OR1L8: variants seen among roughly 807,000 people sequenced by gnomAD.
OR1L8 encodes olfactory receptor family 1 subfamily L member 8.
For missense variants in OR1L8, 330 were observed against 377.4 expected, an observed-to-expected ratio of 0.87 and a Z score of 1.04; for synonymous variants, 148 against 147.0, an observed-to-expected ratio of 1.01 and a Z score of -0.05.
chr9:122,574,111 A>AT (rs1829600204), intron 3 of OR1L8, among the ~76,000 whole-genome samples: 1 of 152,026 alleles, frequency 6.6e-6, no homozygotes, highest in Non-Finnish European at 1.5e-5. Flanking sequence ...TATTGTCTTG[A>AT]TTACTGTAGC....
chr9:122,580,646 T>TTCTAAG, intron 1 of OR1L8, among the ~76,000 whole-genome samples: 1 of 152,290 alleles, frequency 6.6e-6, no homozygotes, highest in Non-Finnish European at 1.5e-5. Context: ...AGCTAATTTT[T>TTCTAAG]TCTAAGTCTA....
At chr9:122,565,240 A>G (rs1829409826), downstream of OR1L8, among the ~76,000 whole-genome samples, 2 of 152,220 alleles carry the variant, frequency 1.3e-5, no homozygotes, top group Non-Finnish European at 2.9e-5. Context: ...TGACAAAGAT[A>G]CCTGGGGAAG....
At chr9:122,562,586 C>G (rs1011306282), downstream of OR1L8, among the ~76,000 whole-genome samples, 1 of 152,148 alleles carries the variant, frequency 6.6e-6, no homozygotes, top group Non-Finnish European at 1.5e-5. Flanking sequence ...CTGTGTGGCT[C>G]TCAGGTGGGC....
At chr9:122,553,593 G>A in the OR1L8 span, 1 of 1,614,062 alleles carries the variant, frequency 6.2e-7, no homozygotes, top group South Asian at 1.1e-5. Context: ...CCGCTATGTG[G>A]CCATCTGCCA....
the OR1L8 span, chr9:122,553,441 C>T: frequency 1.9e-6 from 3 of 1,614,180 alleles, no homozygotes; most frequent in Non-Finnish European, 2.5e-6. Context: ...GCCTGTTTCA[C>T]TTCTGCCTCC....
In OR1L8 at chr9:122,568,797, G is replaced by A. The variant is rs144328389; in HGVS notation, c.-212-108C>T. The A allele has an allele frequency of 1.2e-3, 282 of 228,392 alleles. 2 individuals carry two copies. The highest frequency in any genetic ancestry group is 3.3e-3 in the East Asian group (35 of 10,518). 14.1% of individuals were successfully genotyped at this position (228,392 alleles called of 1,614,324 possible). ...TGAAAAGCACTATTCACCTGCCGGG[G>A]ACATAGCAATAGAGCAGACAGATTT... On this transcript the variant is annotated intron_variant, in intron 4 of 4. Coordinates refer to ENST00000641027, the MANE Select transcript of OR1L8 (RefSeq NM_001004454.2).
the OR1L8 span, among the ~76,000 whole-genome samples, chr9:122,551,622 A>C: frequency 1.3e-5 from 2 of 152,076 alleles, no homozygotes; most frequent in Non-Finnish European, 2.9e-5. Context: ...CATTGCCAGC[A>C]AGAGGCTTCA....
At chr9:122,547,822 G>C in the OR1L8 span, among the ~76,000 whole-genome samples, 1 of 152,098 alleles carries the variant, frequency 6.6e-6, no homozygotes, top group African/African-American at 2.4e-5. Flanking sequence ...TAGTGAAATT[G>C]CTGGATCAAA....
chr9:122,551,943 A>G, the OR1L8 span, among the ~76,000 whole-genome samples: 2 of 151,050 alleles, frequency 1.3e-5, no homozygotes. Context: ...TTTATTATGA[A>G]TTATCCATCC....
chr9:122,563,866 CTG>C (rs34141669), downstream of OR1L8, among the ~76,000 whole-genome samples: 41,361 of 151,980 alleles, frequency 0.27, 5,777 homozygotes, highest in Middle Eastern at 0.34. Flanking sequence ...ATTGAAGAAA[CTG>C]TGCTTTTCCC....
the OR1L8 span, among the ~76,000 whole-genome samples, chr9:122,550,266 C>T: frequency 6.6e-6 from 1 of 151,948 alleles, no homozygotes; most frequent in Non-Finnish European, 1.5e-5. Flanking sequence ...AATCTCCCAA[C>T]AACAACAACA....
At chr9:122,583,137 T>C (rs113326255) in intron 1 of OR1L8, among the ~76,000 whole-genome samples, 184 bp downstream of exon 1, 248 of 152,228 alleles carry the variant, frequency 1.6e-3, no homozygotes, top group African/African-American at 5.7e-3. Context: ...TCAGGAAAAC[T>C]TCCATGTGGG....
chr9:122,568,927 A>G (rs917254016), intron 4 of OR1L8, among the ~76,000 whole-genome samples: 3 of 152,156 alleles, frequency 2.0e-5, no homozygotes, highest in Non-Finnish European at 4.4e-5. Flanking sequence ...AAAATAAAAT[A>G]GTATTAGAAG....
chr9:122,556,241 A>G, the OR1L8 span, among the ~76,000 whole-genome samples: 2 of 149,172 alleles, frequency 1.3e-5, no homozygotes, highest in Non-Finnish European at 3.0e-5. Context: ...ATTTCATTGT[A>G]TGCAATATTC....
downstream of OR1L8, among the ~76,000 whole-genome samples, chr9:122,565,256 T>C (rs912457722): frequency 2.0e-5 from 3 of 152,176 alleles, no homozygotes; most frequent in Non-Finnish European, 4.4e-5. Context: ...GGAAGAGCAA[T>C]GTGAATAGAC....
chr9:122,573,462 CATT>C (rs1829588618), intron 3 of OR1L8, among the ~76,000 whole-genome samples: 1 of 152,090 alleles, frequency 6.6e-6, no homozygotes, highest in East Asian at 1.9e-4. Flanking sequence ...AGTGGTATGT[CATT>C]GTTGTTTTAA....
At chr9:122,550,619 C>G in the OR1L8 span, among the ~76,000 whole-genome samples, 1 of 151,604 alleles carries the variant, frequency 6.6e-6, no homozygotes, top group Admixed American at 6.6e-5. Context: ...AAATGTGATT[C>G]ACCACATAAA....
intron 3 of OR1L8, among the ~76,000 whole-genome samples, chr9:122,576,408 A>G (rs1163119716): frequency 8.9e-6 from 1 of 111,898 alleles, no homozygotes; most frequent in Admixed American, 9.0e-5. Flanking sequence ...TTTTTTTTGT[A>G]TTTTTTAGTA....
At chr9:122,571,434 C>T (rs1243882716) in intron 4 of OR1L8, among the ~76,000 whole-genome samples, 6 of 151,848 alleles carry the variant, frequency 4.0e-5, no homozygotes, top group African/African-American at 1.5e-4. Flanking sequence ...CCTGTAATCC[C>T]AGCTACTCGG....
Sources: allele counts gnomAD v4.1 joint callset (sites outside exome capture counted in the v4.1 genomes callset), GRCh38; gene constraint gnomAD v4.1.1; transcripts MANE v1.5; gene names NCBI Gene and HGNC (gene_info 2026-07-23, HGNC 2026-07-21).